The following NLRP13 variants were observed in gnomAD, a reference collection of about 807,000 sequenced individuals.
NLRP13 encodes the protein NLR family pyrin domain containing 13.
In NLRP13, 82 loss-of-function variants were observed where a neutral mutation model predicts 94.4. The ratio of observed to expected loss-of-function variants is 0.87; its 90% CI spans 0.73 to 1.04. NLRP13 has a LOEUF of 1.04. Among genes scored for constraint, NLRP13 ranks in the 50% least tolerant of loss-of-function variants. The probability of loss-of-function intolerance (pLI) is 0.00; values close to 1 mark genes in which losing one functional copy is unlikely to be tolerated. For missense variants in NLRP13, 1,426 were observed against 1,230.8 expected (o/e 1.16, Z -2.37); for synonymous variants, 553 against 464.7 (o/e 1.19, Z -2.45).
intron 4 of NLRP13, among the ~76,000 whole-genome samples, chr19:55,918,340 A>G (rs551715073): frequency 6.6e-6 from 1 of 152,154 alleles, no homozygotes; most frequent in South Asian, 2.1e-4. Flanking sequence ...ACTCAAGGAA[A>G]AAGAATAAGA....
intron 4 of NLRP13, among the ~76,000 whole-genome samples, chr19:55,917,369 C>CA (rs1304059365): frequency 6.6e-6 from 1 of 151,252 alleles, no homozygotes; most frequent in Non-Finnish European, 1.5e-5. Context: ...AGAAAAAGAA[C>CA]AAAAAAATCT....
chr19:55,919,033 G>T (rs1986745049), intron 4 of NLRP13, among the ~76,000 whole-genome samples: 2 of 151,992 alleles, frequency 1.3e-5, no homozygotes, highest in South Asian at 2.1e-4. Context: ...ATGACCAAGT[G>T]GGTTTTAACC....
chr19:55,908,438 C>G (rs564558030), intron 6 of NLRP13, among the ~76,000 whole-genome samples: 13 of 152,258 alleles, frequency 8.5e-5, no homozygotes, highest in African/African-American at 3.1e-4. Flanking sequence ...CCCAAAGGAA[C>G]GTAAATCGTT....
chr19:55,904,110 TG>T (rs1986268134), intron 8 of NLRP13, among the ~76,000 whole-genome samples: 1 of 152,164 alleles, frequency 6.6e-6, no homozygotes, highest in Non-Finnish European at 1.5e-5. Context: ...TCCAACCTTT[TG>T]AGATGGAGTC....
intron 1 of NLRP13, among the ~76,000 whole-genome samples, chr19:55,930,852 T>C (rs1987098377): frequency 1.0e-5 from 1 of 96,966 alleles, no homozygotes; most frequent in Non-Finnish European, 1.9e-5. Flanking sequence ...ACCAGACGGC[T>C]TACAGGAGAT....
chr19:55,896,820 C>CAAAAAAAAAAAAAAAAAAA (rs3073244), intron 10 of NLRP13, among the ~76,000 whole-genome samples: 1 of 80,914 alleles, frequency 1.2e-5, no homozygotes, highest in South Asian at 7.8e-4. Flanking sequence ...CTCCATCTCA[C>CAAAAAAAAAAAAAAAAAAA]AAAAAAAAAA....
At chr19:55,931,473 T>C (rs4991667) in intron 1 of NLRP13, among the ~76,000 whole-genome samples, 27,773 of 150,594 alleles carry the variant, frequency 0.18, 2,767 homozygotes, top group African/African-American at 0.26. Flanking sequence ...CTTTGGGAGG[T>C]CGAGGCGAGC....
intron 4 of NLRP13, among the ~76,000 whole-genome samples, chr19:55,915,566 C>T (rs951497276): frequency 6.6e-6 from 1 of 152,180 alleles, no homozygotes. Flanking sequence ...CCACTGTACT[C>T]CAGCCTGGGC....
In NLRP13 at chr19:55,923,228, G is replaced by GA. The variant is rs1402375869; in HGVS notation, c.523+685dup. Among the ~76,000 whole-genome samples the GA allele has an allele frequency of 1.2e-4, 18 of 152,286 alleles. No homozygotes were observed. In the South Asian group the frequency reaches 2.7e-3, roughly 23 times the overall value. ...GACACCAGTGTGTGAGAACCTACAG[G>GA]AAAAACAGAGAATCCCGTTTATAGT... On this transcript the variant is annotated intron_variant, in intron 4 of 10. Coordinates refer to ENST00000342929, the MANE Select transcript of NLRP13 (RefSeq NM_176810.2).
At position 55,925,416 on chromosome 19, in the gene NLRP13, C is replaced by G. The variant is rs572049321; in HGVS notation, c.320-381G>C. 1.3e-4 allele frequency among the ~76,000 whole-genome samples: 20 copies of G among 152,342 alleles called. No individual in the cohort carries two copies. The South Asian group carries it at 3.9e-3, about 30-fold the overall frequency. On this transcript the variant is annotated intron_variant, in intron 1 of 10. Transcript: ENST00000342929. ...TTAGCCTCTCCCCATCTGCCTTATC[C>G]TCCGTTTGCACTTGTCACCTTTTAA...
Position 55,908,058 on chromosome 19 carries a change from G to A in NLRP13, c.2283-102C>T, listed in dbSNP as rs1290187244. On this transcript the variant is annotated intron_variant, in intron 6 of 10. Coordinates refer to ENST00000342929, the MANE Select transcript of NLRP13 (RefSeq NM_176810.2). ...TGCCTTCTACTACACTCACTGCCAA[G>A]GTTATACACGGTACACAAGGAATTA... The A allele has an allele frequency of 7.2e-6, 7 of 974,962 alleles. No homozygotes were observed. The East Asian group carries it at 1.2e-4, about 17-fold the overall frequency. The allele number at this position is 974,962 out of a possible 1,614,324, so 60.4% of individuals were successfully genotyped here. A position where few individuals can be genotyped will look rare whatever the true frequency, so the allele number is the denominator to read the frequency against.
chr19:55,896,650 C>G (rs1051057589), intron 10 of NLRP13, among the ~76,000 whole-genome samples: 1 of 151,016 alleles, frequency 6.6e-6, no homozygotes, highest in African/African-American at 2.4e-5. Flanking sequence ...AACCCTGTCT[C>G]TACTACAAAA....
intron 4 of NLRP13, among the ~76,000 whole-genome samples, chr19:55,916,485 C>T (rs1021191828): frequency 2.0e-5 from 3 of 151,998 alleles, no homozygotes; most frequent in Non-Finnish European, 2.9e-5. Flanking sequence ...AAAATAAATT[C>T]AGGATATGAA....
chr19:55,913,548 C>CAAAAAAAAAAAAAAAAAAAAA lies in NLRP13; in HGVS notation c.524-276_524-256dup, dbSNP rs10530056. Among the ~76,000 whole-genome samples the CAAAAAAAAAAAAAAAAAAAAA allele has an allele frequency of 1.4e-3, 72 of 52,060 alleles. 6 individuals are homozygous for CAAAAAAAAAAAAAAAAAAAAA. The highest frequency in any genetic ancestry group is 1.6e-3 in the Non-Finnish European group (41 of 24,996). The allele number at this position is 52,060 out of a possible 152,430, so 34.2% of individuals were successfully genotyped here. A position where few individuals can be genotyped will look rare whatever the true frequency, so the allele number is the denominator to read the frequency against. ...TGGGTGACAGAGTGAGACTCCGTCTCAAAAAAAAAAAAAAAAAAAAAAAGT... is the reference window on the plus strand; with the variant it reads ...TGGGTGACAGAGTGAGACTCCGTCTCAAAAAAAAAAAAAAAAAAAAAAAAAAAAAAAAAAAAAAAAAAAAGT... On this transcript the variant is annotated intron_variant, in intron 4 of 10. Coordinates refer to ENST00000342929, the MANE Select transcript of NLRP13 (RefSeq NM_176810.2).
Position 55,897,034 on chromosome 19 carries a change from TATTA to T in NLRP13, c.2958-919_2958-916del, listed in dbSNP as rs1986035954. On this transcript the variant is annotated intron_variant, in intron 10 of 10. Coordinates refer to ENST00000342929, the MANE Select transcript of NLRP13 (RefSeq NM_176810.2). ...TTTTAGTATACAAGGGATATGAGTTTATTAGATCTTTGAAAGAACTGAAATAGCA... is the reference window on the plus strand; with the variant it reads ...TTTTAGTATACAAGGGATATGAGTTTGATCTTTGAAAGAACTGAAATAGCA... 2.6e-5 allele frequency among the ~76,000 whole-genome samples: 4 copies of T among 152,288 alleles called. No homozygotes were observed. In the South Asian group the frequency reaches 8.3e-4, roughly 32 times the overall value.
At chr19:55,920,270 A>T (rs891914413) in intron 4 of NLRP13, among the ~76,000 whole-genome samples, 1 of 152,172 alleles carries the variant, frequency 6.6e-6, no homozygotes, top group African/African-American at 2.4e-5. Flanking sequence ...TTGCCTTGGC[A>T]AAGAATTCAT....
Position 55,913,099 on chromosome 19 carries a change from C to G in NLRP13, c.718G>C (p.Gly240Arg), listed in dbSNP as rs532689445. ...TIVLVGRAGV[G>R]KTTLAMQAML... ...GCCTGCATTGCCAAGGTGGTCTTCCCAACCCCTGCCCTCCCCACCAAGACT... is the reference window on the plus strand; with the variant it reads ...GCCTGCATTGCCAAGGTGGTCTTCCGAACCCCTGCCCTCCCCACCAAGACT... Residue 240 changes from glycine (G) to arginine (R), a missense_variant, in exon 5 of 11, where the codon GGG (glycine) becomes CGG (arginine). Coordinates refer to ENST00000342929, the MANE Select transcript of NLRP13 (RefSeq NM_176810.2). The G allele has an allele frequency of 8.7e-6, 14 of 1,614,128 alleles. No individual in the cohort carries two copies. In the Admixed American group the frequency reaches 2.2e-4, roughly 25 times the overall value.
Position 55,932,207 on chromosome 19 carries a change from G to T in NLRP13, c.105C>A (p.Cys35Ter). 1.2e-6 allele frequency: 2 copies of T among 1,613,966 alleles called. No individual in the cohort carries two copies. Among genetic ancestry groups the T allele is most frequent in the Non-Finnish European group, 1.7e-6 (2 of 1,179,934 alleles). Residue 35 changes from cysteine (C) to a stop codon, truncating the protein, a stop_gained, in exon 1 of 11, where the codon TGC becomes TGA. Transcript: ENST00000342929. LOFTEE classifies it high-confidence loss of function. ...AGTCCATCAGCTGCTGGGGTTCCAA[G>T]CAAAGCTTGAATTCCTCCAGCTGAT... ...DQYQLEEFKL[C>*]LEPQQLMDFW...
downstream of NLRP13, among the ~76,000 whole-genome samples, chr19:55,894,698 T>A (rs902734218): frequency 2.0e-5 from 3 of 152,194 alleles, no homozygotes; most frequent in Admixed American, 6.5e-5. Context: ...ACCTGTTATC[T>A]CCTGGAGGAG....
Sources: allele counts gnomAD v4.1 joint callset (sites outside exome capture counted in the v4.1 genomes callset), GRCh38; gene constraint gnomAD v4.1.1; transcripts MANE v1.5; gene names NCBI Gene and HGNC (gene_info 2026-07-23, HGNC 2026-07-21).